ISM1: variants seen among roughly 807,000 people sequenced by gnomAD.
The protein encoded by ISM1 is isthmin 1.
In ISM1, 25 loss-of-function variants were observed where a neutral mutation model predicts 46.3. The observed-to-expected ratio is 0.54, with a 90% CI of 0.39 to 0.75. The LOEUF is 0.75. ISM1 is among the 30% of genes least tolerant of loss of function. ISM1 has a pLI of 0.00. For synonymous variants in ISM1, 255 were observed against 256.7 expected (o/e 0.99, Z 0.06); for missense variants, 536 against 625.4 (o/e 0.86, Z 1.52).
At chr20:13,310,078 C>T in the ISM1 span, among the ~76,000 whole-genome samples, 1 of 151,942 alleles carries the variant, frequency 6.6e-6, no homozygotes, top group African/African-American at 2.4e-5. Flanking sequence ...TTCATAGAAA[C>T]ATAAAAAACA....
intron 1 of ISM1, among the ~76,000 whole-genome samples, chr20:13,225,126 T>C (rs1050736786): frequency 1.3e-5 from 2 of 152,078 alleles, no homozygotes; most frequent in Admixed American, 6.5e-5. Flanking sequence ...GTGCTGGGAT[T>C]ACAGGCGTGA....
At chr20:13,315,929 T>A in the ISM1 span, among the ~76,000 whole-genome samples, 1 of 151,938 alleles carries the variant, frequency 6.6e-6, no homozygotes, top group African/African-American at 2.4e-5. Flanking sequence ...AGACAAACTT[T>A]TAAACACTTT....
At chr20:13,269,416 A>C (rs1240576120) in intron 1 of ISM1, among the ~76,000 whole-genome samples, 1 of 152,230 alleles carries the variant, frequency 6.6e-6, no homozygotes, top group Non-Finnish European at 1.5e-5. Flanking sequence ...TGCACTTTTC[A>C]GTATAAAACC....
At chr20:13,304,664 T>C (rs2040485958), downstream of ISM1, among the ~76,000 whole-genome samples, 1 of 152,192 alleles carries the variant, frequency 6.6e-6, no homozygotes, top group Non-Finnish European at 1.5e-5. Context: ...GTCAGTCAAC[T>C]GTTTGGTGAT....
chr20:13,322,105 C>T, the ISM1 span, among the ~76,000 whole-genome samples: 1 of 152,110 alleles, frequency 6.6e-6, no homozygotes, highest in South Asian at 2.1e-4. Flanking sequence ...GTACAAGTAC[C>T]GTTTTGCAAA....
chr20:13,322,382 A>C, the ISM1 span, among the ~76,000 whole-genome samples: 1 of 152,196 alleles, frequency 6.6e-6, no homozygotes, highest in Admixed American at 6.6e-5. Flanking sequence ...AACCCAGTGC[A>C]GCCACTGACT....
chr20:13,305,593 C>G (rs1165474206), downstream of ISM1, among the ~76,000 whole-genome samples: 1 of 152,148 alleles, frequency 6.6e-6, no homozygotes, highest in African/African-American at 2.4e-5. Flanking sequence ...TCAGTAATTA[C>G]TGGGTGGGTA....
At chr20:13,252,580 G>A (rs1383209932) in intron 1 of ISM1, among the ~76,000 whole-genome samples, 2 of 152,020 alleles carry the variant, frequency 1.3e-5, no homozygotes, top group African/African-American at 2.4e-5. Flanking sequence ...GTGAAACCCC[G>A]TCTCTACTAA....
chr20:13,268,352 CT>C, intron 1 of ISM1, among the ~76,000 whole-genome samples: 2 of 2,430 alleles, frequency 8.2e-4, no homozygotes, highest in African/African-American at 0.011. Context: ...TTCTTCCTCT[CT>C]CTCTCTCTCT....
At chr20:13,251,668 C>T (rs1238063498) in intron 1 of ISM1, among the ~76,000 whole-genome samples, 1 of 152,202 alleles carries the variant, frequency 6.6e-6, no homozygotes, top group African/African-American at 2.4e-5. Flanking sequence ...GGTCAGAGAG[C>T]AAGCAAGAGT....
At chr20:13,288,345 C>G (rs929567903) in intron 3 of ISM1, among the ~76,000 whole-genome samples, 195 bp from the exon 4 acceptor site, 4 of 152,194 alleles carry the variant, frequency 2.6e-5, no homozygotes, top group African/African-American at 9.7e-5. Flanking sequence ...TGCCCAAAAC[C>G]TCCTTGCTGT....
In ISM1 at chr20:13,293,324, CT is replaced by C. The variant is rs1250169274; in HGVS notation, c.877+863del. 3.9e-5 allele frequency among the ~76,000 whole-genome samples: 6 copies of C among 152,068 alleles called. No individual in the cohort carries two copies. In the East Asian group the frequency reaches 1.2e-3, roughly 29 times the overall value. ...AAACCAAACAAAATGGAAAGTGACT[CT>C]TCAGGTGCAAGGTGCAAGCTTACTT... On this transcript the variant is annotated intron_variant, in intron 5 of 5. Coordinates refer to ENST00000262487, the MANE Select transcript of ISM1 (RefSeq NM_080826.2).
chr20:13,222,550 C>A (rs1170370080), intron 1 of ISM1, among the ~76,000 whole-genome samples: 1 of 152,026 alleles, frequency 6.6e-6, no homozygotes, highest in Non-Finnish European at 1.5e-5. Flanking sequence ...GTGAAGGCAC[C>A]GGTAGTGATT....
At chr20:13,304,998 CT>C (rs1311713516), downstream of ISM1, among the ~76,000 whole-genome samples, 9 of 152,054 alleles carry the variant, frequency 5.9e-5, no homozygotes, top group Non-Finnish European at 1.0e-4. Context: ...CGCTTAAATA[CT>C]TATTAAGTGC....
downstream of ISM1, among the ~76,000 whole-genome samples, chr20:13,302,743 G>A (rs80170773): frequency 3.3e-3 from 504 of 152,336 alleles, 1 homozygote; most frequent in African/African-American, 0.011. Flanking sequence ...CCCCTGGAAA[G>A]AGAGTTCTAG....
chr20:13,247,754 G>C (rs996778920), intron 1 of ISM1, among the ~76,000 whole-genome samples: 4 of 152,146 alleles, frequency 2.6e-5, no homozygotes, highest in African/African-American at 7.2e-5. Flanking sequence ...ACGACAGGAA[G>C]TGACTTACAG....
intron 5 of ISM1, among the ~76,000 whole-genome samples, chr20:13,297,718 T>C (rs2123334782): frequency 6.6e-6 from 1 of 152,384 alleles, no homozygotes; most frequent in East Asian, 1.9e-4. Context: ...TTCGATCTTT[T>C]GGTTTTTCAA....
At chr20:13,254,095 T>C (rs1164149447) in intron 1 of ISM1, among the ~76,000 whole-genome samples, 1 of 148,380 alleles carries the variant, frequency 6.7e-6, no homozygotes. Context: ...ACATTAGGCA[T>C]GGTGGTACAT....
chr20:13,288,108 C>G (rs2040313270), intron 3 of ISM1, among the ~76,000 whole-genome samples: 1 of 152,198 alleles, frequency 6.6e-6, no homozygotes, highest in South Asian at 2.1e-4. Context: ...AAGTCAGAAG[C>G]TGCCAGGCCT....
Sources: allele counts gnomAD v4.1 joint callset (sites outside exome capture counted in the v4.1 genomes callset), GRCh38; gene constraint gnomAD v4.1.1; transcripts MANE v1.5; gene names NCBI Gene and HGNC (gene_info 2026-07-23, HGNC 2026-07-21).